The following TENM2 variants were observed in gnomAD, a reference collection of about 807,000 sequenced individuals.
The protein encoded by TENM2 is teneurin transmembrane protein 2, also known as teneurin-2.
Under a neutral mutation model 245.2 loss-of-function variants are expected in TENM2, and 52 were observed. The observed-to-expected ratio is 0.21, with a 90% CI of 0.17 to 0.27. The LOEUF (loss-of-function observed/expected upper bound fraction) is 0.27, where lower values mean the gene tolerates loss of function less well. TENM2 is among the 10% of genes least tolerant of loss of function. The pLI is 1.00. For synonymous variants in TENM2, 1,363 were observed against 1,438.9 expected (o/e 0.95, Z 1.19); for missense variants, 3,046 against 3,666.8 (o/e 0.83, Z 4.37).
At chr5:167,747,840 C>T (rs925185563) in intron 2 of TENM2, among the ~76,000 whole-genome samples, 7 of 152,142 alleles carry the variant, frequency 4.6e-5, no homozygotes, top group African/African-American at 1.7e-4. Flanking sequence ...CTATTCTTAT[C>T]TCTGTTTTTA....
intron 19 of TENM2, among the ~76,000 whole-genome samples, chr5:168,208,506 G>A (rs1367656147): frequency 6.6e-5 from 10 of 152,248 alleles, no homozygotes; most frequent in Admixed American, 6.5e-4. Flanking sequence ...ACATTGGAAG[G>A]AAGCGTCAGC....
At chr5:167,012,875 T>C in the TENM2 span, among the ~76,000 whole-genome samples, 2 of 152,096 alleles carry the variant, frequency 1.3e-5, no homozygotes, top group Non-Finnish European at 2.9e-5. Context: ...TTTTTTTTAT[T>C]TGAATAAAGA....
At chr5:167,105,887 CAAAAAAAAAAAAAAAAAAAAAAAAAAAA>C in the TENM2 span, among the ~76,000 whole-genome samples, 4 of 48,832 alleles carry the variant, frequency 8.2e-5, no homozygotes, top group East Asian at 6.7e-4. Flanking sequence ...GACTCCGTCT[CAAAAAAAAAAAAAAAAAAAAAAAAAAAA>C]AAAAAAAAAA....
chr5:167,685,284 A>G (rs1447956166), intron 2 of TENM2, among the ~76,000 whole-genome samples: 2 of 152,222 alleles, frequency 1.3e-5, no homozygotes, highest in Non-Finnish European at 2.9e-5. Context: ...TTATTTTTAC[A>G]TGGCACATGT....
intron 1 of TENM2, among the ~76,000 whole-genome samples, chr5:167,353,623 T>C (rs1759110679): frequency 7.0e-6 from 1 of 143,826 alleles, no homozygotes; most frequent in Admixed American, 7.2e-5. Context: ...TTCTCCTGCC[T>C]CAGCCTCCCA....
intron 2 of TENM2, among the ~76,000 whole-genome samples, chr5:167,868,423 A>G (rs1772518331): frequency 6.6e-6 from 1 of 152,006 alleles, no homozygotes; most frequent in African/African-American, 2.4e-5. Flanking sequence ...ATATAAATAC[A>G]TAATATATAT....
intron 10 of TENM2, among the ~76,000 whole-genome samples, chr5:168,119,711 TG>T (rs1456162372): frequency 7.2e-5 from 11 of 152,178 alleles, no homozygotes; most frequent in Admixed American, 2.6e-4. Context: ...CATCTCCCAG[TG>T]AAATGCCCTC....
At chr5:167,962,827 G>A (rs1289309982) in intron 4 of TENM2, among the ~76,000 whole-genome samples, 2 of 152,082 alleles carry the variant, frequency 1.3e-5, no homozygotes, top group Admixed American at 1.3e-4. Context: ...ACCTCCCACT[G>A]GGTCCCTCCC....
chr5:168,212,340 A>C (rs1035515737), intron 20 of TENM2, among the ~76,000 whole-genome samples: 1 of 152,244 alleles, frequency 6.6e-6, no homozygotes, highest in Non-Finnish European at 1.5e-5. Flanking sequence ...CATTACATTG[A>C]TCCAAGGTTA....
the TENM2 span, among the ~76,000 whole-genome samples, chr5:167,030,158 C>G: frequency 6.6e-6 from 1 of 152,186 alleles, no homozygotes; most frequent in South Asian, 2.1e-4. Context: ...TTCTGTATCA[C>G]GTTTTTCTTC....
intron 2 of TENM2, among the ~76,000 whole-genome samples, chr5:167,744,374 C>G (rs1230891588): frequency 1.3e-5 from 2 of 152,164 alleles, no homozygotes; most frequent in African/African-American, 4.8e-5. Context: ...AACAGTGCCT[C>G]TCTGGCCCCT....
chr5:167,863,240 A>G (rs1205043461), intron 2 of TENM2, among the ~76,000 whole-genome samples: 1 of 152,248 alleles, frequency 6.6e-6, no homozygotes, highest in Admixed American at 6.5e-5. Flanking sequence ...TGAGTGCTCC[A>G]GAAATGTTAG....
At chr5:167,083,015 A>C in the TENM2 span, among the ~76,000 whole-genome samples, 1 of 129,810 alleles carries the variant, frequency 7.7e-6, no homozygotes, top group Non-Finnish European at 1.7e-5. Flanking sequence ...TGAAATTGGC[A>C]AAAAAAAAAG....
intron 2 of TENM2, among the ~76,000 whole-genome samples, chr5:167,672,072 A>C (rs933396580): frequency 6.8e-6 from 1 of 146,962 alleles, no homozygotes; most frequent in Non-Finnish European, 1.5e-5. Context: ...GCAATGTGCA[A>C]AATTATGCAG....
At chr5:167,643,346 G>A (rs1779730779) in intron 2 of TENM2, among the ~76,000 whole-genome samples, 1 of 152,022 alleles carries the variant, frequency 6.6e-6, no homozygotes, top group Non-Finnish European at 1.5e-5. Context: ...GCCGTTTCTG[G>A]ATATTTCCTA....
the TENM2 span, among the ~76,000 whole-genome samples, chr5:167,177,150 T>G: frequency 2.0e-5 from 3 of 152,200 alleles, no homozygotes; most frequent in African/African-American, 7.2e-5. Flanking sequence ...TTCTATGAGT[T>G]AAAGAGGGCT....
At chr5:166,979,179 GCAGCAGCACCACCAC>G in the TENM2 span, among the ~76,000 whole-genome samples, 2 of 123,546 alleles carry the variant, frequency 1.6e-5, no homozygotes, top group African/African-American at 3.8e-5. Flanking sequence ...CGAAGTAGCA[GCAGCAGCACCACCAC>G]CAGCAGCAGC....
At chr5:167,437,367 C>T (rs1308098576) in intron 2 of TENM2, among the ~76,000 whole-genome samples, 1 of 152,170 alleles carries the variant, frequency 6.6e-6, no homozygotes, top group African/African-American at 2.4e-5. Flanking sequence ...TTTGGAATGG[C>T]TGTATTTATC....
chr5:167,723,845 G>A (rs1384553280), intron 2 of TENM2, among the ~76,000 whole-genome samples: 1 of 152,272 alleles, frequency 6.6e-6, no homozygotes, highest in East Asian at 1.9e-4. Context: ...TGTTCATGGA[G>A]CCCTTTCTGA....
Sources: gnomAD v4.1 joint callset for allele counts (sites outside exome capture counted in the v4.1 genomes callset) on GRCh38, gnomAD v4.1.1 for gene constraint, MANE v1.5 for transcripts, NCBI Gene and HGNC (gene_info 2026-07-23, HGNC 2026-07-21) for gene names.